The following COL4A5 variants were observed in gnomAD, a reference collection of about 807,000 sequenced individuals.
The protein encoded by COL4A5 is collagen alpha-5(IV) chain.
In COL4A5, 26 loss-of-function variants were observed where a neutral mutation model predicts 130.2. The ratio of observed to expected loss-of-function variants is 0.20; its 90% CI spans 0.15 to 0.28. The LOEUF (loss-of-function observed/expected upper bound fraction) is 0.28, where lower values mean the gene tolerates loss of function less well. COL4A5 is among the 10% of genes least tolerant of loss of function. COL4A5 has a pLI of 1.00. For missense variants in COL4A5, 1,131 were observed against 1,344.3 expected (o/e 0.84, Z 2.48); for synonymous variants, 496 against 439.6 (o/e 1.13, Z -1.60).
intron 36 of COL4A5, among the ~76,000 whole-genome samples, chrX:108,650,512 T>G (rs2067702946): frequency 8.9e-6 from 1 of 111,779 alleles, no homozygotes; most frequent in African/African-American, 3.3e-5. Flanking sequence ...GTTGCAAAAT[T>G]ATGGAACCAA....
intron 1 of COL4A5, among the ~76,000 whole-genome samples, chrX:108,441,266 T>G (rs1256549589): frequency 1.8e-5 from 2 of 112,517 alleles, no homozygotes; most frequent in Non-Finnish European, 3.7e-5. Context: ...ATTTGAGTGA[T>G]CATTATGGAT....
intron 1 of COL4A5, among the ~76,000 whole-genome samples, chrX:108,477,763 C>T (rs1283264457): frequency 9.8e-6 from 1 of 102,453 alleles, no homozygotes; most frequent in Non-Finnish European, 2.0e-5. Flanking sequence ...TTGCAGTGAG[C>T]TGAGATCGCG....
chrX:108,503,069 G>A (rs949840910), intron 1 of COL4A5, among the ~76,000 whole-genome samples: 2 of 111,710 alleles, frequency 1.8e-5, no homozygotes, highest in African/African-American at 3.3e-5. Flanking sequence ...TCAAGGTGCA[G>A]TTTAACATTT....
intron 1 of COL4A5, among the ~76,000 whole-genome samples, chrX:108,523,060 A>G (rs765011293): frequency 9.2e-6 from 1 of 108,917 alleles, no homozygotes; most frequent in Admixed American, 9.8e-5. Flanking sequence ...TATTTTTAGT[A>G]GAGATGGGGT....
At chrX:108,565,944 A>G (rs915652287) in intron 4 of COL4A5, among the ~76,000 whole-genome samples, 12 of 108,551 alleles carry the variant, frequency 1.1e-4, no homozygotes, top group African/African-American at 4.0e-4. Flanking sequence ...GAACTTAACT[A>G]TTGAATAACA....
At chrX:108,611,525 A>G (rs762758516) in intron 29 of COL4A5, among the ~76,000 whole-genome samples, 66 of 111,729 alleles carry the variant, frequency 5.9e-4, no homozygotes, top group African/African-American at 2.0e-3. Context: ...AAATATGACA[A>G]ACAACTGCAT....
intron 1 of COL4A5, among the ~76,000 whole-genome samples, chrX:108,511,441 T>C (rs1045938188): frequency 1.8e-5 from 2 of 111,949 alleles, no homozygotes; most frequent in East Asian, 5.5e-4. Flanking sequence ...GCTGGTTTCT[T>C]TGCAGAAATA....
chrX:108,696,946 C>T lies in COL4A5; in HGVS notation c.*568C>T, dbSNP rs1233861158. ...AATGTAGGAAACCCTAGAATACAGA[C>T]AGCAATATTTTATATTCATGTTTAT... is the stretch of plus-strand genomic sequence containing the variant. On this transcript the variant is annotated 3_prime_UTR_variant, in exon 53 of 53. Transcript: ENST00000328300. 8.9e-6 allele frequency: 1 copy of T among 111,831 alleles called. No homozygotes were observed. The highest frequency in any genetic ancestry group is 1.9e-5 in the Non-Finnish European group (1 of 53,126). The allele number at this position is 111,831 out of a possible 1,213,427, so 9.2% of individuals were successfully genotyped here.
chrX:108,574,436 T>C (rs1214748080), intron 9 of COL4A5, among the ~76,000 whole-genome samples: 1 of 111,856 alleles, frequency 8.9e-6, no homozygotes, highest in Non-Finnish European at 1.9e-5. Flanking sequence ...GAAGCATAAC[T>C]ATAAAGTGAA....
chrX:108,638,029 A>C (rs1603302177), intron 36 of COL4A5, among the ~76,000 whole-genome samples: 1 of 110,731 alleles, frequency 9.0e-6, no homozygotes, highest in South Asian at 3.9e-4. Context: ...AAGGTCTTCC[A>C]AAAAAATTGA....
intron 1 of COL4A5, among the ~76,000 whole-genome samples, chrX:108,532,602 A>T (rs1300366466): frequency 9.0e-6 from 1 of 111,452 alleles, no homozygotes. Flanking sequence ...GTGAAAAATA[A>T]AAAAGGCATC....
At chrX:108,450,107 C>T (rs1251170642) in intron 1 of COL4A5, among the ~76,000 whole-genome samples, 3 of 111,139 alleles carry the variant, frequency 2.7e-5, no homozygotes, top group Non-Finnish European at 3.8e-5. Context: ...GAATTTTGAC[C>T]CTTGAGTGTA....
In COL4A5 at chrX:108,518,863, C is replaced by T. The variant is rs17326904; in HGVS notation, c.82-20883C>T. Among the ~76,000 whole-genome samples, 131 of 110,947 alleles carry T rather than the reference C, an allele frequency of 1.2e-3. 1 individual carries two copies. The East Asian group carries it at 0.017, about 15-fold the overall frequency. Reference sequence around the variant, plus strand: ...CTAATTTAATTTTTTAAGAAAGACACTTATGACAGCGAGAAGAAAACGTTT... The same window carrying T: ...CTAATTTAATTTTTTAAGAAAGACATTTATGACAGCGAGAAGAAAACGTTT... On this transcript the variant is annotated intron_variant, in intron 1 of 52. Transcript: ENST00000328300.
chrX:108,502,174 A>T (rs2065085193), intron 1 of COL4A5, among the ~76,000 whole-genome samples: 1 of 112,723 alleles, frequency 8.9e-6, no homozygotes, highest in African/African-American at 3.2e-5. Flanking sequence ...CAATATCCAG[A>T]GATCCAGGTG....
chrX:108,586,881 A>C, intron 19 of COL4A5, 134 bp downstream of exon 19: 1 of 653,830 alleles, frequency 1.5e-6, no homozygotes, highest in Non-Finnish European at 2.4e-6. Context: ...GATACTTCCC[A>C]ACTCTTACTA....
chrX:108,472,119 TATTTA>T (rs1305780265), intron 1 of COL4A5, among the ~76,000 whole-genome samples: 1 of 111,982 alleles, frequency 8.9e-6, no homozygotes, highest in Non-Finnish European at 1.9e-5. Context: ...AGGGCTACAT[TATTTA>T]ATTTGTACAT....
At chrX:108,500,007 G>C (rs1168905751) in intron 1 of COL4A5, among the ~76,000 whole-genome samples, 1 of 111,752 alleles carries the variant, frequency 8.9e-6, no homozygotes, top group Non-Finnish European at 1.9e-5. Context: ...CATTAACAGA[G>C]TTTAACTTTG....
intron 2 of COL4A5, among the ~76,000 whole-genome samples, chrX:108,542,980 T>A (rs1339756671): frequency 3.6e-5 from 4 of 110,599 alleles, no homozygotes; most frequent in African/African-American, 1.3e-4. Flanking sequence ...GTAAATATGT[T>A]TGAGTTCATT....
At position 108,498,523 on chromosome X, in the gene COL4A5, A is replaced by G. The variant is rs923607124; in HGVS notation, c.82-41223A>G. 2.7e-5 allele frequency among the ~76,000 whole-genome samples: 3 copies of G among 111,800 alleles called. No individual in the cohort carries two copies. The East Asian group carries it at 8.3e-4, about 31-fold the overall frequency. On this transcript the variant is annotated intron_variant, in intron 1 of 52. Coordinates refer to ENST00000328300, the MANE Select transcript of COL4A5 (RefSeq NM_033380.3). ...TTATATAATCACTTTGTCAATTTTT[A>G]CAACAATATCTCTGATGATTTTGAT...
Sources: gnomAD v4.1 joint callset for allele counts (sites outside exome capture counted in the v4.1 genomes callset) on GRCh38, gnomAD v4.1.1 for gene constraint, MANE v1.5 for transcripts, NCBI Gene and HGNC (gene_info 2026-07-23, HGNC 2026-07-21) for gene names.